Variants in FGF13 observed in about 807,000 individuals in gnomAD.
FGF13 encodes the protein fibroblast growth factor homologous factor 2.
Under a neutral mutation model 19.5 loss-of-function variants are expected in FGF13, and 2 were observed. That is an observed-to-expected ratio of 0.10 (90% CI 0.04 to 0.32). The LOEUF (loss-of-function observed/expected upper bound fraction) is 0.32. Ranked by LOEUF, FGF13 falls within the 10% of genes least tolerant of loss-of-function variation. The pLI, the probability that FGF13 is intolerant of heterozygous loss-of-function variation, is 1.00. For missense variants in FGF13, 113 were observed against 192.7 expected (o/e 0.59, Z 2.45); for synonymous variants, 72 against 76.9 (o/e 0.94, Z 0.33).
chrX:139,202,434 G>A (rs1042596688), intron 1 of FGF13, among the ~76,000 whole-genome samples: 1 of 111,435 alleles, frequency 9.0e-6, no homozygotes, highest in Non-Finnish European at 1.9e-5. Flanking sequence ...AACAATTAGG[G>A]GAGCTCTGGA....
At chrX:138,778,256 C>T (rs2090605401) in intron 3 of FGF13, among the ~76,000 whole-genome samples, 1 of 108,033 alleles carries the variant, frequency 9.3e-6, no homozygotes. Context: ...TGCTAATCAA[C>T]ACTATAATGA....
rs10666140 is a variant in FGF13, at chrX:138,978,266, G to GTTTTTTTTTTTTTTTTTTTTTTT, written c.-112-113617_-112-113616insAAAAAAAAAAAAAAAAAAAAAAA. 8.4e-5 allele frequency among the ~76,000 whole-genome samples: 7 copies of GTTTTTTTTTTTTTTTTTTTTTTT among 82,916 alleles called. 1 individual carries two copies. Among genetic ancestry groups the GTTTTTTTTTTTTTTTTTTTTTTT allele is most frequent in the African/African-American group, 2.5e-4 (5 of 20,389 alleles). 72.0% of individuals were successfully genotyped at this position (82,916 alleles called of 115,157 possible). On this transcript the variant is annotated intron_variant, in intron 1 of 2. Transcript: ENST00000421460. The stretch of plus-strand genomic sequence containing the variant: ...TAATCTCTATGGGCTAGCTGCCCTG[G>GTTTTTTTTTTTTTTTTTTTTTTT]TTTTTTTTTTTTTTGAGATGGAGTC...
At chrX:138,639,293 G>A (rs1309818539) in intron 3 of FGF13, among the ~76,000 whole-genome samples, 3 of 112,085 alleles carry the variant, frequency 2.7e-5, no homozygotes, top group East Asian at 5.7e-4. Flanking sequence ...TGATCTGGAA[G>A]ATGCTCACTA....
intron 1 of FGF13, among the ~76,000 whole-genome samples, chrX:138,896,547 C>T (rs1449804928): frequency 9.0e-6 from 1 of 111,520 alleles, no homozygotes; most frequent in Non-Finnish European, 1.9e-5. Context: ...CATTCAATGG[C>T]TCCCGACTTC....
intron 1 of FGF13, among the ~76,000 whole-genome samples, chrX:138,891,514 C>A (rs758767964): frequency 4.1e-4 from 46 of 111,343 alleles, no homozygotes; most frequent in African/African-American, 1.5e-3. Flanking sequence ...CTAATTACCT[C>A]CCAAAGGCCC....
rs771769976 is a variant in FGF13 at position 138,757,050 on chromosome X, T to C, written c.218-48122A>G. On this transcript the variant is annotated intron_variant, in intron 3 of 6. Transcript: ENST00000436198. ...CTATACTGGAGCCACATCGAAGGAGTTGAGCAAAAGGTACACAGAGGCAGG... is the reference window on the plus strand; with the variant it reads ...CTATACTGGAGCCACATCGAAGGAGCTGAGCAAAAGGTACACAGAGGCAGG... 4.5e-5 allele frequency among the ~76,000 whole-genome samples: 5 copies of C among 110,686 alleles called. No individual in the cohort carries two copies. The South Asian group carries it at 1.6e-3, about 35-fold the overall frequency.
chrX:138,830,687 T>TTGTG (rs144759178), intron 3 of FGF13, among the ~76,000 whole-genome samples: 6,437 of 87,365 alleles, frequency 0.074, 227 homozygotes, highest in Admixed American at 0.099. Flanking sequence ...AAAGGGGTGT[T>TTGTG]TGTGTGTGTG....
chrX:139,163,463 G>A (rs1292707150), intron 1 of FGF13, among the ~76,000 whole-genome samples: 1 of 110,850 alleles, frequency 9.0e-6, no homozygotes, highest in Non-Finnish European at 1.9e-5. Context: ...GATGGGTGCA[G>A]CAAACCACCA....
At chrX:138,692,238 T>C (rs1039214304) in intron 3 of FGF13, among the ~76,000 whole-genome samples, 2 of 111,756 alleles carry the variant, frequency 1.8e-5, no homozygotes, top group Non-Finnish European at 3.8e-5. Flanking sequence ...TCAATAAATA[T>C]GTGTTAAAAA....
intron 1 of FGF13, among the ~76,000 whole-genome samples, chrX:138,975,629 G>A (rs750631280): frequency 5.4e-5 from 6 of 111,887 alleles, no homozygotes; most frequent in Non-Finnish European, 1.1e-4. Flanking sequence ...AGAAGAATGG[G>A]TAGTTCTTTT....
chrX:139,195,689 C>A (rs1441333261), intron 1 of FGF13, among the ~76,000 whole-genome samples: 1 of 112,198 alleles, frequency 8.9e-6, no homozygotes, highest in Non-Finnish European at 1.9e-5. Context: ...AACAGTTCTA[C>A]AATACAGATA....
intron 3 of FGF13, among the ~76,000 whole-genome samples, chrX:138,834,299 ACTAT>A (rs974712960): frequency 1.8e-5 from 2 of 111,525 alleles, no homozygotes; most frequent in Non-Finnish European, 3.8e-5. Context: ...CAGTTGGTAG[ACTAT>A]CTATTAATGC....
chrX:138,932,501 C>G (rs966688710), intron 1 of FGF13, among the ~76,000 whole-genome samples: 2 of 103,164 alleles, frequency 1.9e-5, no homozygotes, highest in Non-Finnish European at 4.0e-5. Flanking sequence ...GTCGCTTGAA[C>G]CCGGCGCGGG....
At chrX:138,934,185 G>A (rs1045070522) in intron 1 of FGF13, among the ~76,000 whole-genome samples, 1 of 111,675 alleles carries the variant, frequency 9.0e-6, no homozygotes, top group African/African-American at 3.3e-5. Flanking sequence ...CTGTGGAGGG[G>A]CTCCTACACT....
intron 3 of FGF13, among the ~76,000 whole-genome samples, chrX:138,682,008 A>G (rs1034869050): frequency 8.9e-6 from 1 of 112,505 alleles, no homozygotes; most frequent in Non-Finnish European, 1.9e-5. Flanking sequence ...AGAATTACCA[A>G]ATGTTACCTG....
chrX:139,153,068 C>A (rs1256734059), intron 1 of FGF13, among the ~76,000 whole-genome samples: 2 of 111,225 alleles, frequency 1.8e-5, no homozygotes, highest in African/African-American at 6.6e-5. Flanking sequence ...TAATCTCTAC[C>A]CTTGTGATCA....
At chrX:138,927,424 A>G (rs753462844) in intron 1 of FGF13, among the ~76,000 whole-genome samples, 1 of 111,482 alleles carries the variant, frequency 9.0e-6, no homozygotes, top group East Asian at 2.9e-4. Context: ...GAAATAGACC[A>G]CACTTCATTT....
chrX:138,772,036 A>G (rs1025839149), intron 3 of FGF13, among the ~76,000 whole-genome samples: 112 of 84,249 alleles, frequency 1.3e-3, no homozygotes, highest in African/African-American at 4.2e-3. Flanking sequence ...ATATATATAT[A>G]TATATATATA....
At position 138,806,326 on chromosome X, in the gene FGF13, C is replaced by T. The variant is rs1000224250; in HGVS notation, c.217+51186G>A. The T allele has an allele frequency of 5.3e-5, 6 of 112,205 alleles. No homozygotes were observed. In the East Asian group the frequency reaches 1.4e-3, roughly 26 times the overall value. The allele number at this position is 112,205 out of a possible 1,213,427, so 9.2% of individuals were successfully genotyped here. On this transcript the variant is annotated intron_variant, in intron 3 of 6. Transcript: ENST00000436198. ...TCTCAGTCAGTGGAGCCAGCAAAAT[C>T]TGCCCCATCCTCACTGCGTGCCAGG... is the stretch of plus-strand genomic sequence containing the variant.
Sources: gnomAD v4.1 joint callset for allele counts (sites outside exome capture counted in the v4.1 genomes callset) on GRCh38, gnomAD v4.1.1 for gene constraint, MANE v1.5 for transcripts, NCBI Gene and HGNC (gene_info 2026-07-23, HGNC 2026-07-21) for gene names.